EPYC: variants seen among roughly 807,000 people sequenced by gnomAD.
The protein encoded by EPYC is dermatan sulfate proteoglycan 3.
In EPYC, 28 loss-of-function variants were observed where a neutral mutation model predicts 30.1. That is an observed-to-expected ratio of 0.93 (90% CI 0.69 to 1.28). The LOEUF is 1.28. Ranked by LOEUF, EPYC falls within the 50% of genes most tolerant of loss-of-function variation. The pLI is 0.00. For synonymous variants in EPYC, 144 were observed against 141.4 expected (o/e 1.02, Z -0.13); for missense variants, 382 against 383.5 (o/e 1.00, Z 0.03).
chr12:90,993,905 A>G (rs901107376), intron 2 of EPYC, among the ~76,000 whole-genome samples: 6 of 152,142 alleles, frequency 3.9e-5, no homozygotes, highest in African/African-American at 1.4e-4. Context: ...AATACTTTAT[A>G]TCTCAGATTA....
intron 2 of EPYC, among the ~76,000 whole-genome samples, chr12:90,995,486 G>A (rs1440090593): frequency 1.3e-5 from 2 of 151,772 alleles, no homozygotes; most frequent in Non-Finnish European, 2.9e-5. Flanking sequence ...GGCTTTTAGG[G>A]GCAAAGTCTC....
chr12:90,965,354 A>T (rs186266143), intron 6 of EPYC, among the ~76,000 whole-genome samples: 18 of 152,186 alleles, frequency 1.2e-4, no homozygotes, highest in Admixed American at 3.3e-4. Context: ...ATACGCTTTC[A>T]GTTCTTTTGG....
chr12:90,973,972 CA>C (rs1235149482), intron 3 of EPYC, among the ~76,000 whole-genome samples: 2 of 150,400 alleles, frequency 1.3e-5, no homozygotes, highest in East Asian at 2.0e-4. Flanking sequence ...GCAATGGAAC[CA>C]AAAATGTTTC....
At chr12:90,997,740 A>G (rs565152957) in intron 2 of EPYC, among the ~76,000 whole-genome samples, 8 of 152,238 alleles carry the variant, frequency 5.3e-5, no homozygotes, top group African/African-American at 1.9e-4. Context: ...CATACTTACA[A>G]TTAGAAGTAG....
At chr12:90,991,422 G>T (rs1373274357) in intron 2 of EPYC, among the ~76,000 whole-genome samples, 2 of 151,566 alleles carry the variant, frequency 1.3e-5, no homozygotes, top group Non-Finnish European at 2.9e-5. Context: ...AGTCTGATGG[G>T]ACAACATATC....
intron 2 of EPYC, among the ~76,000 whole-genome samples, chr12:90,980,477 G>A (rs1877299973): frequency 6.6e-6 from 1 of 152,066 alleles, no homozygotes; most frequent in Non-Finnish European, 1.5e-5. Flanking sequence ...CTTTTGTTTT[G>A]TAGACACATT....
At chr12:90,978,304 C>T (rs1298210157) in intron 2 of EPYC, 42 bp from the exon 3 acceptor site, 2 of 1,552,578 alleles carry the variant, frequency 1.3e-6, no homozygotes. Context: ...AGGCCAACTT[C>T]TCAGTCACTC....
intron 2 of EPYC, among the ~76,000 whole-genome samples, chr12:90,989,796 C>T (rs1877540904): frequency 6.6e-6 from 1 of 152,008 alleles, no homozygotes; most frequent in Admixed American, 6.6e-5. Flanking sequence ...TCTACTTCAG[C>T]TTTATCCCAG....
At chr12:90,983,823 T>G (rs912909152) in intron 2 of EPYC, among the ~76,000 whole-genome samples, 1 of 152,108 alleles carries the variant, frequency 6.6e-6, no homozygotes, top group Non-Finnish European at 1.5e-5. Flanking sequence ...TAGCATAAAT[T>G]TTGGGACTCT....
Position 90,971,976 on chromosome 12 carries a change from A to G in EPYC, c.526T>C (p.Ser176Pro). 1 of 1,599,494 alleles carries G rather than the reference A, an allele frequency of 6.3e-7. No individual in the cohort carries two copies. The highest frequency in any genetic ancestry group is 2.3e-5 in the East Asian group (1 of 44,362). ...LSDLKRIDLT[S>P]NLISEIDEDA... ...TCATCAATCTCAGATATTAAATTTGATGTCAGATCAATCCTTTTTAAATCA... is the reference window on the plus strand; with the variant it reads ...TCATCAATCTCAGATATTAAATTTGGTGTCAGATCAATCCTTTTTAAATCA... The change falls in exon 5 of 7, where the codon TCA (serine) becomes CCA (proline). Residue 176 changes from serine to proline, a missense_variant. Transcript: ENST00000261172.
intron 2 of EPYC, among the ~76,000 whole-genome samples, chr12:90,978,627 A>G (rs1038088455): frequency 1.3e-5 from 2 of 152,120 alleles, no homozygotes; most frequent in African/African-American, 2.4e-5. Flanking sequence ...CTTCACATTA[A>G]TTCAGAAGTG....
At chr12:90,998,387 G>C (rs1380253044) in intron 2 of EPYC, among the ~76,000 whole-genome samples, 1 of 152,042 alleles carries the variant, frequency 6.6e-6, no homozygotes, top group Non-Finnish European at 1.5e-5. Flanking sequence ...TCTAAAACTT[G>C]CTTCTAATAT....
At chr12:90,987,016 T>G (rs1027771688) in intron 2 of EPYC, among the ~76,000 whole-genome samples, 1 of 152,154 alleles carries the variant, frequency 6.6e-6, no homozygotes, top group Non-Finnish European at 1.5e-5. Flanking sequence ...ATCATGGCAA[T>G]TTTTGATACA....
intron 2 of EPYC, among the ~76,000 whole-genome samples, chr12:90,988,418 T>C (rs962849033): frequency 6.6e-6 from 1 of 152,082 alleles, no homozygotes; most frequent in East Asian, 1.9e-4. Context: ...CAGGACTGTT[T>C]GGAGGAGGGA....
chr12:90,980,466 A>C (rs1424821171), intron 2 of EPYC, among the ~76,000 whole-genome samples: 1 of 152,120 alleles, frequency 6.6e-6, no homozygotes, highest in Non-Finnish European at 1.5e-5. Context: ...GCCTGGAGAG[A>C]CTTTTGTTTT....
intron 2 of EPYC, 47 bp from the exon 3 acceptor site, chr12:90,978,309 TCAC>T (rs771455010): frequency 1.9e-5 from 30 of 1,548,694 alleles, no homozygotes; most frequent in Non-Finnish European, 2.6e-5. Context: ...AACTTCTCAG[TCAC>T]TCTGTGTGGC....
chr12:90,972,553 A>G (rs1877077557), intron 4 of EPYC: 1 of 266,090 alleles, frequency 3.8e-6, no homozygotes, highest in Non-Finnish European at 7.1e-6. Flanking sequence ...ACATTCCAGC[A>G]TGTACAATAT....
rs2120786552 is a variant in EPYC, at chr12:90,964,452, A to G, written c.799-126T>C. 6 of 631,608 alleles carry G rather than the reference A, an allele frequency of 9.5e-6. No individual in the cohort carries two copies. In the East Asian group the frequency reaches 1.8e-4, roughly 18 times the overall value. 39.1% of individuals were successfully genotyped at this position (631,608 alleles called of 1,614,324 possible). A position where few individuals can be genotyped will look rare whatever the true frequency, so the allele number is the denominator to read the frequency against. ...TATTTTCCTCAATCAAAATTACTTA[A>G]TGTATATGCCAAGCACTTTCTAAGC... On this transcript the variant is annotated intron_variant, in intron 6 of 6. Coordinates refer to ENST00000261172, the MANE Select transcript of EPYC (RefSeq NM_004950.5).
intron 2 of EPYC, among the ~76,000 whole-genome samples, chr12:90,997,459 G>A (rs889447036): frequency 2.0e-5 from 3 of 151,998 alleles, no homozygotes; most frequent in Admixed American, 6.6e-5. Flanking sequence ...TAGGGCTAAT[G>A]TTGTTCTTAG....
Sources: allele counts gnomAD v4.1 joint callset (sites outside exome capture counted in the v4.1 genomes callset), GRCh38; gene constraint gnomAD v4.1.1; transcripts MANE v1.5; gene names NCBI Gene and HGNC (gene_info 2026-07-23, HGNC 2026-07-21).